NPAS3: variants seen among roughly 807,000 people sequenced by gnomAD.
NPAS3 encodes neuronal PAS domain protein 3, also known as neuronal PAS domain-containing protein 3.
A neutral mutation model predicts 73.1 loss-of-function variants in NPAS3; 14 were observed. The observed-to-expected ratio is 0.19, with a 90% CI of 0.13 to 0.30. The LOEUF is 0.30. Among genes scored for constraint, NPAS3 ranks in the 10% least tolerant of loss-of-function variants. NPAS3 has a pLI of 1.00. For missense variants in NPAS3, 1,096 were observed against 1,250.0 expected (o/e 0.88, Z 1.86); for synonymous variants, 620 against 541.5 (o/e 1.14, Z -2.01).
In NPAS3 at chr14:33,526,083, A is replaced by C. The variant is rs187087552; in HGVS notation, c.469-34038A>C. ...AAATAATCATCAGTGAATGGCAAAC[A>C]ATTTGACGTAATTTTCCATGTTGTT... On this transcript the variant is annotated intron_variant, in intron 4 of 11. Coordinates refer to ENST00000356141, the Ensembl canonical transcript of NPAS3. Among the ~76,000 whole-genome samples, 3 of 152,262 alleles carry C rather than the reference A, an allele frequency of 2.0e-5. No individual in the cohort carries two copies. The East Asian group carries it at 5.8e-4, about 30-fold the overall frequency.
At position 33,545,327 on chromosome 14, in the gene NPAS3, A is replaced by G. The variant is rs532594369; in HGVS notation, c.469-14794A>G. 3.3e-5 allele frequency among the ~76,000 whole-genome samples: 5 copies of G among 152,296 alleles called. No homozygotes were observed. The East Asian group carries it at 9.7e-4, about 29-fold the overall frequency. On this transcript the variant is annotated intron_variant, in intron 4 of 11. Transcript: ENST00000356141. ...GTAGATAAAACCCACAATTACTAGCAGACATTCTTCCTAAATCAGGGTCCC... is the reference window on the plus strand; with the variant it reads ...GTAGATAAAACCCACAATTACTAGCGGACATTCTTCCTAAATCAGGGTCCC...
intron 3 of NPAS3, among the ~76,000 whole-genome samples, chr14:33,344,815 G>A (rs1958178): frequency 0.36 from 54,400 of 152,010 alleles, 10,308 homozygotes; most frequent in South Asian, 0.44. Context: ...TGGAACTGCT[G>A]TAAGACCAGA....
intron 1 of NPAS3, among the ~76,000 whole-genome samples, chr14:33,033,216 C>T (rs1395400223): frequency 6.6e-6 from 1 of 152,146 alleles, no homozygotes. Flanking sequence ...GGGTGACTCA[C>T]ATCTGTTATC....
chr14:33,802,578 T>C (rs1178737428), downstream of NPAS3: 3 of 152,230 alleles, frequency 2.0e-5, no homozygotes, highest in Admixed American at 6.5e-5. Context: ...TGTGTATGTG[T>C]CCTTGGCTGT....
chr14:33,440,792 C>T (rs1191947861), intron 4 of NPAS3, among the ~76,000 whole-genome samples: 1 of 151,872 alleles, frequency 6.6e-6, no homozygotes, highest in Non-Finnish European at 1.5e-5. Context: ...ACTCAGGAGG[C>T]TGAGGCAGGA....
chr14:33,343,894 C>T (rs2044608003), intron 3 of NPAS3, among the ~76,000 whole-genome samples: 1 of 152,160 alleles, frequency 6.6e-6, no homozygotes, highest in Non-Finnish European at 1.5e-5. Flanking sequence ...CTTTTCCACT[C>T]AAAACTTGTC....
intron 5 of NPAS3, among the ~76,000 whole-genome samples, chr14:33,630,358 G>T (rs919447426): frequency 6.6e-6 from 1 of 152,152 alleles, no homozygotes; most frequent in African/African-American, 2.4e-5. Flanking sequence ...GTTTAATCAG[G>T]ACTGGGATTT....
At chr14:33,751,658 C>G (rs1027297013) in intron 7 of NPAS3, among the ~76,000 whole-genome samples, 2 of 152,146 alleles carry the variant, frequency 1.3e-5, no homozygotes, top group African/African-American at 4.8e-5. Context: ...TTGAATATAC[C>G]ATTTAGTAAA....
At chr14:33,177,238 A>G (rs2045626286) in intron 2 of NPAS3, among the ~76,000 whole-genome samples, 1 of 151,778 alleles carries the variant, frequency 6.6e-6, no homozygotes, top group Admixed American at 6.6e-5. Flanking sequence ...CTGGGACCAC[A>G]GATGCCTGCC....
At chr14:33,169,999 C>G (rs1414783884) in intron 2 of NPAS3, among the ~76,000 whole-genome samples, 1 of 152,114 alleles carries the variant, frequency 6.6e-6, no homozygotes, top group African/African-American at 2.4e-5. Flanking sequence ...GGGATTTTGA[C>G]ATCGTTACAA....
At chr14:33,728,495 G>A (rs2061327514) in intron 6 of NPAS3, among the ~76,000 whole-genome samples, 2 of 152,154 alleles carry the variant, frequency 1.3e-5, no homozygotes, top group Non-Finnish European at 2.9e-5. Flanking sequence ...ACTTTTGTTG[G>A]ACTCCAGAGC....
chr14:32,935,764 C>T (rs992779240), upstream of NPAS3, among the ~76,000 whole-genome samples: 9 of 152,170 alleles, frequency 5.9e-5, no homozygotes, highest in African/African-American at 2.2e-4. Flanking sequence ...AAAGGGAAAG[C>T]AATTTACCAC....
intron 4 of NPAS3, among the ~76,000 whole-genome samples, chr14:33,430,901 A>T (rs948055080): frequency 2.0e-4 from 31 of 152,230 alleles, no homozygotes; most frequent in Admixed American, 2.0e-3. Flanking sequence ...GTCTTGGTAC[A>T]GTCAGTGTCA....
intron 3 of NPAS3, among the ~76,000 whole-genome samples, chr14:33,329,648 C>T (rs991349328): frequency 2.6e-5 from 4 of 151,780 alleles, no homozygotes; most frequent in Non-Finnish European, 4.4e-5. Context: ...GGCAGGGGCA[C>T]GATGGGGTAG....
chr14:33,091,606 T>C (rs890860862), intron 2 of NPAS3, among the ~76,000 whole-genome samples: 18 of 151,376 alleles, frequency 1.2e-4, no homozygotes, highest in Non-Finnish European at 2.5e-4. Flanking sequence ...TTCCAATCAA[T>C]AGAAAAAGAG....
chr14:33,011,339 G>C (rs1366767563), intron 1 of NPAS3, among the ~76,000 whole-genome samples: 2 of 152,164 alleles, frequency 1.3e-5, no homozygotes, highest in South Asian at 2.1e-4. Context: ...GTGCAATGTG[G>C]GGACCAGCCC....
At chr14:33,620,684 T>C (rs142960494) in intron 5 of NPAS3, among the ~76,000 whole-genome samples, 5 of 152,350 alleles carry the variant, frequency 3.3e-5, no homozygotes, top group African/African-American at 9.6e-5. Flanking sequence ...CATACAGTTA[T>C]AATGCACCAA....
At chr14:33,410,729 G>A (rs561053399) in intron 4 of NPAS3, among the ~76,000 whole-genome samples, 3 of 151,806 alleles carry the variant, frequency 2.0e-5, no homozygotes, top group South Asian at 4.2e-4. Flanking sequence ...CACTGCAACC[G>A]TGGCCTCCCA....
At chr14:33,424,134 TG>T (rs55653261) in intron 4 of NPAS3, among the ~76,000 whole-genome samples, 23,645 of 151,960 alleles carry the variant, frequency 0.16, 2,130 homozygotes, top group Admixed American at 0.26. Flanking sequence ...TGACTTGGCC[TG>T]GTTTGAAAGG....
Sources: gnomAD v4.1 joint callset for allele counts (sites outside exome capture counted in the v4.1 genomes callset) on GRCh38, gnomAD v4.1.1 for gene constraint, MANE v1.5 for transcripts, NCBI Gene and HGNC (gene_info 2026-07-23, HGNC 2026-07-21) for gene names.